The following GAB1 variants were observed in gnomAD, a reference collection of about 807,000 sequenced individuals.
GAB1 encodes GRB2-associated-binding protein 1.
Under a neutral mutation model 66.5 loss-of-function variants are expected in GAB1, and 19 were observed. That is an observed-to-expected ratio of 0.29 (90% CI 0.20 to 0.42). The LOEUF (loss-of-function observed/expected upper bound fraction) is 0.42, where lower values mean the gene tolerates loss of function less well. Ranked by LOEUF, GAB1 falls within the 10% of genes least tolerant of loss-of-function variation. The pLI is 1.00. For missense variants in GAB1, 732 were observed against 858.5 expected (o/e 0.85, Z 1.84); for synonymous variants, 294 against 301.4 (o/e 0.98, Z 0.25).
intron 9 of GAB1, among the ~76,000 whole-genome samples, chr4:143,467,689 T>G (rs1438892941): frequency 6.6e-6 from 1 of 152,214 alleles, no homozygotes; most frequent in Non-Finnish European, 1.5e-5. Context: ...ATAAACTATT[T>G]GTATTTGCTT....
chr4:143,452,895 A>AATTGGTTT (rs1734998371), intron 6 of GAB1, among the ~76,000 whole-genome samples: 1 of 152,144 alleles, frequency 6.6e-6, no homozygotes, highest in South Asian at 2.1e-4. Context: ...GAGTCACCAA[A>AATTGGTTT]ATTGGTTTAT....
At chr4:143,394,138 G>A (rs1731320147) in intron 1 of GAB1, among the ~76,000 whole-genome samples, 1 of 152,152 alleles carries the variant, frequency 6.6e-6, no homozygotes, top group Non-Finnish European at 1.5e-5. Context: ...GCTGGGCATG[G>A]TGGCACGTGC....
intron 1 of GAB1, among the ~76,000 whole-genome samples, chr4:143,378,570 C>T (rs1361730443): frequency 6.6e-6 from 1 of 150,986 alleles, no homozygotes; most frequent in Non-Finnish European, 1.5e-5. Flanking sequence ...GTTATTTTGA[C>T]CTACATGGAT....
At chr4:143,464,107 G>T (rs1735650528) in intron 8 of GAB1, among the ~76,000 whole-genome samples, 3 of 152,142 alleles carry the variant, frequency 2.0e-5, no homozygotes, top group African/African-American at 4.8e-5. Flanking sequence ...GAGTCATTCA[G>T]ATAAAAAATT....
intron 1 of GAB1, among the ~76,000 whole-genome samples, chr4:143,405,663 C>G (rs1053607334): frequency 2.6e-5 from 4 of 152,144 alleles, no homozygotes; most frequent in Non-Finnish European, 5.9e-5. Flanking sequence ...GTACACTATG[C>G]TGAACACTTA....
chr4:143,443,014 CTTTTTTT>C (rs755148605), intron 6 of GAB1, among the ~76,000 whole-genome samples: 1 of 126,780 alleles, frequency 7.9e-6, no homozygotes, highest in East Asian at 2.2e-4. Flanking sequence ...TACTATTTTA[CTTTTTTT>C]TTTTTTTTTT....
chr4:143,343,210 T>G (rs1553942586), intron 1 of GAB1, among the ~76,000 whole-genome samples: 1 of 152,128 alleles, frequency 6.6e-6, no homozygotes, highest in Non-Finnish European at 1.5e-5. Context: ...AGCGTTCCTC[T>G]TCTCAGACAT....
chr4:143,414,618 A>G (rs1732581784), intron 1 of GAB1, among the ~76,000 whole-genome samples: 1 of 152,200 alleles, frequency 6.6e-6, no homozygotes, highest in Admixed American at 6.5e-5. Context: ...TTCCCAGTCA[A>G]GAAGCCAGAA....
At chr4:143,399,212 A>G (rs1277674148) in intron 1 of GAB1, among the ~76,000 whole-genome samples, 1 of 152,256 alleles carries the variant, frequency 6.6e-6, no homozygotes, top group Non-Finnish European at 1.5e-5. Flanking sequence ...AGAAACTAGC[A>G]GCCAGTAAAT....
At chr4:143,467,099 G>A (rs1440409179) in intron 9 of GAB1, among the ~76,000 whole-genome samples, 1 of 151,850 alleles carries the variant, frequency 6.6e-6, no homozygotes, top group African/African-American at 2.4e-5. Flanking sequence ...TTCAGTTTTT[G>A]TATAACTTAA....
chr4:143,460,872 G>T (rs1301654279), intron 8 of GAB1, among the ~76,000 whole-genome samples: 1 of 152,050 alleles, frequency 6.6e-6, no homozygotes, highest in Non-Finnish European at 1.5e-5. Flanking sequence ...AGAGATACTT[G>T]ATTTTTTATA....
At chr4:143,460,161 A>C (rs1296703338) in intron 7 of GAB1, among the ~76,000 whole-genome samples, 1 of 152,154 alleles carries the variant, frequency 6.6e-6, no homozygotes, top group African/African-American at 2.4e-5. Context: ...TGCTGTCCAA[A>C]ATACACTTTT....
chr4:143,439,519 T>A, intron 4 of GAB1: 1 of 343,732 alleles, frequency 2.9e-6, no homozygotes, highest in Non-Finnish European at 5.4e-6. Flanking sequence ...AATAGAGGTG[T>A]TTCTCTTCAT....
chr4:143,420,420 G>A (rs992333933), intron 2 of GAB1, among the ~76,000 whole-genome samples: 5 of 152,030 alleles, frequency 3.3e-5, no homozygotes, highest in African/African-American at 4.8e-5. Flanking sequence ...TCAAAATATC[G>A]TTACCATGTT....
intron 1 of GAB1, among the ~76,000 whole-genome samples, chr4:143,410,018 C>T (rs1732284927): frequency 1.3e-5 from 2 of 151,130 alleles, no homozygotes; most frequent in South Asian, 4.2e-4. Flanking sequence ...CCATACACTA[C>T]AATTTAGTTG....
At chr4:143,396,048 A>G in intron 1 of GAB1, 1 of 453,046 alleles carries the variant, frequency 2.2e-6, no homozygotes, top group Admixed American at 2.4e-5. Flanking sequence ...GACAACAGGA[A>G]GTGTAATGGG....
intron 6 of GAB1, among the ~76,000 whole-genome samples, chr4:143,448,695 GTCTT>G (rs1734714083): frequency 6.6e-6 from 1 of 151,372 alleles, no homozygotes; most frequent in Non-Finnish European, 1.5e-5. Context: ...TTCTTTATTA[GTCTT>G]TCTAGCAGTC....
intron 2 of GAB1, among the ~76,000 whole-genome samples, chr4:143,427,992 T>C (rs1177729087): frequency 2.6e-5 from 4 of 152,202 alleles, no homozygotes; most frequent in Admixed American, 1.3e-4. Context: ...CAAAGTGGCC[T>C]TCACCTATGT....
chr4:143,396,219 G>GGGACCT (rs1731446490), intron 1 of GAB1, among the ~76,000 whole-genome samples: 1 of 152,192 alleles, frequency 6.6e-6, no homozygotes, highest in Non-Finnish European at 1.5e-5. Context: ...AGCCCTACTT[G>GGGACCT]GGACCTTAAG....
Sources: allele counts gnomAD v4.1 joint callset (sites outside exome capture counted in the v4.1 genomes callset), GRCh38; gene constraint gnomAD v4.1.1; transcripts MANE v1.5; gene names NCBI Gene and HGNC (gene_info 2026-07-23, HGNC 2026-07-21).